The following PRKG1 variants were observed in gnomAD, a reference collection of about 807,000 sequenced individuals.
The protein encoded by PRKG1 is cGMP-dependent protein kinase 1.
PRKG1 carries 35 observed loss-of-function variants against 88.1 expected under a neutral mutation model. That is an observed-to-expected ratio of 0.40 (90% CI 0.30 to 0.53). PRKG1 has a LOEUF of 0.53. Ranked by LOEUF, PRKG1 falls within the 20% of genes least tolerant of loss-of-function variation. PRKG1 has a pLI of 0.59. For synonymous variants in PRKG1, 303 were observed against 292.5 expected (o/e 1.04, Z -0.37); for missense variants, 540 against 839.8 (o/e 0.64, Z 4.41).
chr10:51,226,917 G>A (rs1434088040), intron 2 of PRKG1, among the ~76,000 whole-genome samples: 2 of 152,076 alleles, frequency 1.3e-5, no homozygotes, highest in African/African-American at 4.8e-5. Flanking sequence ...CTCAACTATT[G>A]ATGTGAATAG....
chr10:51,437,902 C>G (rs1394639629), intron 2 of PRKG1, among the ~76,000 whole-genome samples: 1 of 150,670 alleles, frequency 6.6e-6, no homozygotes, highest in Admixed American at 6.7e-5. Context: ...CAAGACAAGA[C>G]AGTCCCTACA....
intron 3 of PRKG1, among the ~76,000 whole-genome samples, chr10:51,766,733 G>A (rs953236955): frequency 2.0e-5 from 3 of 152,064 alleles, no homozygotes; most frequent in African/African-American, 7.2e-5. Flanking sequence ...TACTTACCTA[G>A]CAAAGATCGC....
chr10:51,893,629 G>A (rs940853462), intron 4 of PRKG1, among the ~76,000 whole-genome samples: 1 of 152,130 alleles, frequency 6.6e-6, no homozygotes, highest in Non-Finnish European at 1.5e-5. Context: ...TACATGGCAT[G>A]CTCTATATTA....
chr10:52,120,832 C>G (rs1847804060), intron 7 of PRKG1, among the ~76,000 whole-genome samples: 1 of 152,098 alleles, frequency 6.6e-6, no homozygotes, highest in South Asian at 2.1e-4. Context: ...GTCACAGATG[C>G]AGCCCCACTC....
At chr10:51,857,838 G>A (rs1236732702) in intron 4 of PRKG1, among the ~76,000 whole-genome samples, 2 of 151,512 alleles carry the variant, frequency 1.3e-5, no homozygotes, top group Non-Finnish European at 2.9e-5. Context: ...GAAGCCAATG[G>A]AGAGAACGTC....
chr10:51,927,841 G>A (rs1167299319), intron 5 of PRKG1, among the ~76,000 whole-genome samples: 1 of 152,088 alleles, frequency 6.6e-6, no homozygotes, highest in Non-Finnish European at 1.5e-5. Flanking sequence ...TCCATTTAAG[G>A]CAGGAGTCAG....
chr10:52,176,915 T>A (rs375363316), intron 9 of PRKG1, among the ~76,000 whole-genome samples: 1 of 152,040 alleles, frequency 6.6e-6, no homozygotes, highest in Non-Finnish European at 1.5e-5. Context: ...TTTTGTGGAG[T>A]CTGTAGTTTT....
chr10:50,999,306 A>C (rs1842864183), intron 1 of PRKG1, among the ~76,000 whole-genome samples: 3 of 152,240 alleles, frequency 2.0e-5, no homozygotes, highest in Admixed American at 2.0e-4. Context: ...TTTCATGTGC[A>C]AGATGATAAC....
intron 4 of PRKG1, among the ~76,000 whole-genome samples, chr10:51,812,294 G>GCTT: frequency 6.6e-6 from 1 of 152,294 alleles, no homozygotes; most frequent in African/African-American, 2.4e-5. Flanking sequence ...TTGTCGAGAT[G>GCTT]CTTAAAGAAG....
At position 51,681,709 on chromosome 10, in the gene PRKG1, G is replaced by A. The variant is rs541056852; in HGVS notation, c.593-122876G>A. On this transcript the variant is annotated intron_variant, in intron 3 of 17. Coordinates refer to ENST00000373980, the MANE Select transcript of PRKG1 (RefSeq NM_006258.4). ...ATCTTTTTTTAATACATATAATTTT[G>A]TAGGACTATTTTCTTTAAGTAAGGC... Among the ~76,000 whole-genome samples, 33 of 152,056 alleles carry A rather than the reference G, an allele frequency of 2.2e-4. No homozygotes were observed. In the East Asian group the frequency reaches 5.6e-3, roughly 26 times the overall value.
intron 1 of PRKG1, among the ~76,000 whole-genome samples, chr10:51,107,113 G>T (rs1240202561): frequency 2.6e-5 from 4 of 152,118 alleles, no homozygotes; most frequent in Admixed American, 6.6e-5. Context: ...CTTATTAAAA[G>T]GGGGTGGCCA....
intron 5 of PRKG1, among the ~76,000 whole-genome samples, chr10:51,931,439 C>A (rs893666809): frequency 6.6e-6 from 1 of 151,990 alleles, no homozygotes; most frequent in African/African-American, 2.4e-5. Flanking sequence ...CATAGCGAGA[C>A]CCCCATCGCT....
intron 3 of PRKG1, among the ~76,000 whole-genome samples, chr10:51,579,143 AG>A (rs1837966156): frequency 6.6e-6 from 1 of 151,504 alleles, no homozygotes; most frequent in Admixed American, 6.6e-5. Context: ...CACCACGCCC[AG>A]CTAATTTTTA....
intron 3 of PRKG1, among the ~76,000 whole-genome samples, chr10:51,694,923 G>C (rs771958430): frequency 6.6e-6 from 1 of 152,170 alleles, no homozygotes; most frequent in Non-Finnish European, 1.5e-5. Flanking sequence ...TCACAGAGTA[G>C]AGGTGATTGT....
chr10:51,713,882 A>G (rs1014725265), intron 3 of PRKG1, among the ~76,000 whole-genome samples: 28 of 152,382 alleles, frequency 1.8e-4, no homozygotes, highest in Admixed American at 3.3e-4. Flanking sequence ...GCATCCAAAC[A>G]TTATTTAGAA....
chr10:51,497,520 A>G (rs7084851), intron 3 of PRKG1, among the ~76,000 whole-genome samples: 142,830 of 152,068 alleles, frequency 0.94, 67,077 homozygotes, highest in East Asian at 1. Context: ...CAATTAGAGA[A>G]GAGTGTGGTC....
chr10:52,078,478 C>T (rs879290451), intron 7 of PRKG1, among the ~76,000 whole-genome samples: 10 of 152,140 alleles, frequency 6.6e-5, no homozygotes, highest in South Asian at 2.1e-4. Flanking sequence ...TCATATCATT[C>T]TAACTTCCTA....
At chr10:51,847,790 C>T (rs1351148159) in intron 4 of PRKG1, among the ~76,000 whole-genome samples, 1 of 127,624 alleles carries the variant, frequency 7.8e-6, no homozygotes, top group Non-Finnish European at 1.6e-5. Context: ...GTGCTTGAAC[C>T]CAGGAGTTTG....
chr10:51,049,784 T>C (rs1240636671), intron 1 of PRKG1, among the ~76,000 whole-genome samples: 2 of 152,220 alleles, frequency 1.3e-5, no homozygotes, highest in African/African-American at 4.8e-5. Context: ...GGTATGGGTT[T>C]TTGTGTATTG....
Sources: allele counts gnomAD v4.1 joint callset (sites outside exome capture counted in the v4.1 genomes callset), GRCh38; gene constraint gnomAD v4.1.1; transcripts MANE v1.5; gene names NCBI Gene and HGNC (gene_info 2026-07-23, HGNC 2026-07-21).